The following FBXL17 variants were observed in gnomAD, a reference collection of about 807,000 sequenced individuals.
FBXL17 encodes the protein F-box/LRR-repeat protein 17.
In FBXL17, 22 loss-of-function variants were observed where a neutral mutation model predicts 66.2. The observed-to-expected ratio is 0.33, with a 90% CI of 0.24 to 0.47. The LOEUF (loss-of-function observed/expected upper bound fraction) is 0.47, where lower values mean the gene tolerates loss of function less well. Ranked by LOEUF, FBXL17 falls within the 20% of genes least tolerant of loss-of-function variation. The pLI is 1.00. For synonymous variants in FBXL17, 474 were observed against 400.5 expected, an observed-to-expected ratio of 1.18 and a Z score of -2.19; for missense variants, 878 against 948.2, an observed-to-expected ratio of 0.93 and a Z score of 0.97.
At chr5:108,155,883 C>T (rs1302698769) in intron 6 of FBXL17, among the ~76,000 whole-genome samples, 1 of 152,128 alleles carries the variant, frequency 6.6e-6, no homozygotes, top group Non-Finnish European at 1.5e-5. Flanking sequence ...TCCTTCTCTG[C>T]ATTTTGCTTT....
Position 107,861,681 on chromosome 5 carries a change from C to T in FBXL17, c.*39G>A. On this transcript the variant is annotated 3_prime_UTR_variant, in exon 9 of 9. Transcript: ENST00000542267. The stretch of plus-strand genomic sequence containing the variant: ...CCCAAATGTACAATTCTCCTCTGCT[C>T]TGCTGAATGATCCCAGTGGACTAGG... 3.3e-6 allele frequency: 5 copies of T among 1,514,874 alleles called. No homozygotes were observed. The highest frequency in any genetic ancestry group is 4.4e-6 in the Non-Finnish European group (5 of 1,125,908). The allele number at this position is 1,514,874 out of a possible 1,614,324, so 93.8% of individuals were successfully genotyped here. A position where few individuals can be genotyped will look rare whatever the true frequency, so the allele number is the denominator to read the frequency against.
At position 108,381,975 on chromosome 5, in the gene FBXL17, T is replaced by C. The variant is rs1201748718; in HGVS notation, c.-284A>G. The C allele has an allele frequency of 4.1e-6, 5 of 1,208,680 alleles. No individual in the cohort carries two copies. Among genetic ancestry groups the C allele is most frequent in the Non-Finnish European group, 5.2e-6 (5 of 970,656 alleles). 74.9% of individuals were successfully genotyped at this position (1,208,680 alleles called of 1,614,324 possible). ...GGAGGGAGCGAGCGAGCCTGCCGGC[T>C]AGGCGACCAGTCCGGGCCCGGCCAG... On this transcript the variant is annotated 5_prime_UTR_variant, in exon 1 of 9. Coordinates refer to ENST00000542267, the MANE Select transcript of FBXL17 (RefSeq NM_001163315.3).
intron 6 of FBXL17, among the ~76,000 whole-genome samples, chr5:108,145,131 G>A (rs916906701): frequency 6.6e-6 from 1 of 151,980 alleles, no homozygotes; most frequent in Admixed American, 6.6e-5. Flanking sequence ...CATATACTTT[G>A]ATATACTCTA....
At chr5:107,983,118 T>C (rs1253485235) in intron 7 of FBXL17, among the ~76,000 whole-genome samples, 2 of 152,158 alleles carry the variant, frequency 1.3e-5, no homozygotes. Flanking sequence ...CCTGACGACT[T>C]TTCTTTGATG....
At chr5:108,199,553 T>C (rs539537958) in intron 5 of FBXL17, among the ~76,000 whole-genome samples, 2 of 152,280 alleles carry the variant, frequency 1.3e-5, no homozygotes, top group African/African-American at 4.8e-5. Flanking sequence ...GTCATGTAAC[T>C]GCCTGAGCTT....
rs565388441 is a variant in FBXL17 at position 107,892,110 on chromosome 5, G to A, written c.1823-10931C>T. Among the ~76,000 whole-genome samples the A allele has an allele frequency of 1.3e-4, 20 of 152,058 alleles. No homozygotes were observed. In the South Asian group the frequency reaches 2.5e-3, roughly 19 times the overall value. On this transcript the variant is annotated intron_variant, in intron 7 of 8. Transcript: ENST00000542267. ...TATTGAATATCTCATATAATTTATT[G>A]AATACTATACTGAAAGGAAAAAACA...
intron 6 of FBXL17, among the ~76,000 whole-genome samples, chr5:108,085,780 C>CA (rs989373043): frequency 5.3e-5 from 8 of 151,968 alleles, no homozygotes; most frequent in African/African-American, 1.9e-4. Context: ...ACAAAAAATA[C>CA]AAAAAAATTA....
At chr5:107,947,298 C>T (rs1751345027) in intron 7 of FBXL17, among the ~76,000 whole-genome samples, 1 of 152,234 alleles carries the variant, frequency 6.6e-6, no homozygotes, top group Non-Finnish European at 1.5e-5. Context: ...CTCTTCCTTC[C>T]TATGGGCTTT....
At chr5:108,040,373 A>G (rs563278107) in intron 6 of FBXL17, among the ~76,000 whole-genome samples, 1 of 152,224 alleles carries the variant, frequency 6.6e-6, no homozygotes, top group Admixed American at 6.5e-5. Flanking sequence ...TTATTCCTTA[A>G]TGTATATACT....
chr5:107,889,119 A>ACACTTTAAAAAAATTTC (rs1749108713), intron 7 of FBXL17, among the ~76,000 whole-genome samples: 1 of 152,068 alleles, frequency 6.6e-6, no homozygotes, highest in Non-Finnish European at 1.5e-5. Flanking sequence ...TCATGGTGCC[A>ACACTTTAAAAAAATTTC]CACTTTAAAA....
chr5:108,222,773 A>G (rs1478769831), intron 5 of FBXL17, among the ~76,000 whole-genome samples: 1 of 142,214 alleles, frequency 7.0e-6, no homozygotes, highest in Non-Finnish European at 1.5e-5. Context: ...TCTCGGGTTT[A>G]AGCAATTCTC....
At chr5:107,984,306 T>C (rs1000781067) in intron 7 of FBXL17, among the ~76,000 whole-genome samples, 3 of 152,234 alleles carry the variant, frequency 2.0e-5, no homozygotes, top group African/African-American at 4.8e-5. Context: ...TATTAAATTA[T>C]GTTAATTTGT....
intron 4 of FBXL17, among the ~76,000 whole-genome samples, chr5:108,347,758 A>G (rs963520500): frequency 6.6e-6 from 1 of 152,180 alleles, no homozygotes; most frequent in Admixed American, 6.5e-5. Context: ...GACATTGGTA[A>G]TGACTGCACA....
chr5:108,349,838 GATTTTTTAAAAGTGCATGTTC>G (rs1245792117), intron 3 of FBXL17, among the ~76,000 whole-genome samples: 2 of 152,088 alleles, frequency 1.3e-5, no homozygotes, highest in Non-Finnish European at 2.9e-5. Context: ...CAGGAAAGCA[GATTTTTTAAAAGTGCATGTTC>G]ATTTTTTATG....
rs1169012258 is a variant in FBXL17, at chr5:108,224,236, A to G, written c.1507-8T>C. 1 of 1,521,172 alleles carries G rather than the reference A, an allele frequency of 6.6e-7. No homozygotes were observed. Among genetic ancestry groups the G allele is most frequent in the Admixed American group, 1.7e-5 (1 of 58,356 alleles). 94.2% of individuals were successfully genotyped at this position (1,521,172 alleles called of 1,614,324 possible). ...CACTGACTGATCTGTCACCTAGGGAAAAGACATGGATGAAATTATTCAAGG... is the reference window on the plus strand; with the variant it reads ...CACTGACTGATCTGTCACCTAGGGAGAAGACATGGATGAAATTATTCAAGG... On this transcript the variant is annotated splice_polypyrimidine_tract_variant and splice_region_variant and intron_variant, in intron 4 of 8. Coordinates refer to ENST00000542267, the MANE Select transcript of FBXL17 (RefSeq NM_001163315.3).
chr5:107,997,522 G>A (rs1300781898), intron 7 of FBXL17, among the ~76,000 whole-genome samples: 2 of 152,186 alleles, frequency 1.3e-5, no homozygotes, highest in African/African-American at 2.4e-5. Flanking sequence ...TTACCCAAGA[G>A]AATTAGGGAG....
chr5:108,065,501 C>T (rs144258593), intron 6 of FBXL17, among the ~76,000 whole-genome samples: 9 of 152,250 alleles, frequency 5.9e-5, no homozygotes, highest in African/African-American at 1.9e-4. Flanking sequence ...ATCCCTTGTA[C>T]GTTGTGACTA....
At chr5:108,331,239 C>T (rs1760109275) in intron 4 of FBXL17, among the ~76,000 whole-genome samples, 1 of 152,172 alleles carries the variant, frequency 6.6e-6, no homozygotes, top group Non-Finnish European at 1.5e-5. Context: ...TTCTTAGTTA[C>T]AACCAACCAC....
At chr5:108,335,208 T>C (rs1223934321) in intron 4 of FBXL17, among the ~76,000 whole-genome samples, 1 of 151,166 alleles carries the variant, frequency 6.6e-6, no homozygotes, top group Non-Finnish European at 1.5e-5. Context: ...AATATAAATA[T>C]TTTCACTCTC....
Sources: allele counts gnomAD v4.1 joint callset (sites outside exome capture counted in the v4.1 genomes callset), GRCh38; gene constraint gnomAD v4.1.1; transcripts MANE v1.5; gene names NCBI Gene and HGNC (gene_info 2026-07-23, HGNC 2026-07-21).